The following RNF180 variants were observed in gnomAD, a reference collection of about 807,000 sequenced individuals.
RNF180 encodes E3 ubiquitin-protein ligase RNF180.
In RNF180, 38 loss-of-function variants were observed where a neutral mutation model predicts 59.2. That is an observed-to-expected ratio of 0.64 (90% CI 0.50 to 0.84). The LOEUF (loss-of-function observed/expected upper bound fraction) is 0.84, where lower values mean the gene tolerates loss of function less well. RNF180 is among the 40% of genes least tolerant of loss of function. The pLI is 0.00. For synonymous variants in RNF180, 262 were observed against 240.3 expected (o/e 1.09, Z -0.84); for missense variants, 705 against 700.9 (o/e 1.01, Z -0.07).
intron 7 of RNF180, among the ~76,000 whole-genome samples, chr5:64,350,051 A>G (rs1342858162): frequency 3.9e-5 from 6 of 152,102 alleles, no homozygotes; most frequent in African/African-American, 7.2e-5. Flanking sequence ...AAGTGTTCCT[A>G]TTTCTCCACA....
chr5:64,276,574 G>A (rs1225562719), intron 5 of RNF180, among the ~76,000 whole-genome samples: 1 of 151,934 alleles, frequency 6.6e-6, no homozygotes, highest in African/African-American at 2.4e-5. Context: ...AACGATTGTT[G>A]CTGGGGAGGC....
chr5:64,324,252 G>T (rs912253618), intron 5 of RNF180, among the ~76,000 whole-genome samples: 20 of 152,104 alleles, frequency 1.3e-4, no homozygotes, highest in African/African-American at 4.8e-4. Context: ...GGCAGCTCAG[G>T]GTACAAGGCA....
intron 1 of RNF180, among the ~76,000 whole-genome samples, chr5:64,188,742 A>T (rs1437046999): frequency 6.6e-6 from 1 of 152,114 alleles, no homozygotes; most frequent in Non-Finnish European, 1.5e-5. Context: ...ACTTTATTCT[A>T]TGCAGGAAGT....
At chr5:64,266,815 CAAT>C (rs1042833835) in intron 5 of RNF180, among the ~76,000 whole-genome samples, 1 of 151,928 alleles carries the variant, frequency 6.6e-6, no homozygotes, top group African/African-American at 2.4e-5. Context: ...ATATATAAAA[CAAT>C]AAGACCTCAG....
At chr5:64,308,169 G>A (rs1181260397) in intron 5 of RNF180, among the ~76,000 whole-genome samples, 1 of 151,738 alleles carries the variant, frequency 6.6e-6, no homozygotes, top group Non-Finnish European at 1.5e-5. Context: ...TTTATGGAGA[G>A]CTTTGAATAA....
intron 2 of RNF180, 121 bp from the exon 3 acceptor site, chr5:64,211,944 C>T (rs915929769): frequency 3.7e-6 from 2 of 535,622 alleles, no homozygotes; most frequent in African/African-American, 3.8e-5. Flanking sequence ...GAAGGGAAGG[C>T]AGTGTATATT....
intron 1 of RNF180, among the ~76,000 whole-genome samples, chr5:64,197,060 C>T (rs1168766343): frequency 6.6e-6 from 1 of 152,086 alleles, no homozygotes; most frequent in Non-Finnish European, 1.5e-5. Context: ...ACTAGAGACC[C>T]ACGAATGTAG....
At chr5:64,280,415 G>A (rs1397638104) in intron 5 of RNF180, among the ~76,000 whole-genome samples, 1 of 152,076 alleles carries the variant, frequency 6.6e-6, no homozygotes, top group Admixed American at 6.6e-5. Flanking sequence ...TATTTCCTAA[G>A]TTTTCTTCTA....
chr5:64,348,793 C>A (rs1745661877), intron 7 of RNF180, among the ~76,000 whole-genome samples: 1 of 151,906 alleles, frequency 6.6e-6, no homozygotes, highest in Non-Finnish European at 1.5e-5. Context: ...TTTTTTAGTT[C>A]TCTAAATGAC....
rs761170713 is a variant in RNF180, at chr5:64,330,316, G to C, written c.1489G>C (p.Glu497Gln). 12 of 1,522,116 alleles carry C rather than the reference G, an allele frequency of 7.9e-6. No homozygotes were observed. The highest frequency in any genetic ancestry group is 1.1e-5 in the Non-Finnish European group (12 of 1,124,558). 94.3% of individuals were successfully genotyped at this position (1,522,116 alleles called of 1,614,324 possible). ...TGCCACAAAAACTTTCTTTACTAAAGAATATTTGAAAATAAAACAAAGCTT... is the reference window on the plus strand; with the variant it reads ...TGCCACAAAAACTTTCTTTACTAAACAATATTTGAAAATAAAACAAAGCTT... Reference protein sequence around the residue: ...NNATKTFFTKEYLKIKQSFQK... With the variant: ...NNATKTFFTKQYLKIKQSFQK... The change falls in exon 7 of 8, where the codon GAA (glutamate) becomes CAA (glutamine). Residue 497 changes from glutamate to glutamine, a missense_variant. Physicochemically the swap from Glu to Gln is conservative, Grantham distance 29. Transcript: ENST00000389100.
At chr5:64,223,113 G>A (rs1741454073) in intron 5 of RNF180, among the ~76,000 whole-genome samples, 1 of 152,158 alleles carries the variant, frequency 6.6e-6, no homozygotes, top group Admixed American at 6.5e-5. Context: ...TGTTGACAGG[G>A]TAGTATTTCT....
At chr5:64,192,082 G>C (rs1384418883) in intron 1 of RNF180, among the ~76,000 whole-genome samples, 1 of 151,952 alleles carries the variant, frequency 6.6e-6, no homozygotes, top group East Asian at 1.9e-4. Context: ...TGACACCCTT[G>C]TCAAAGATCA....
At chr5:64,305,233 G>A (rs1282337549) in intron 5 of RNF180, among the ~76,000 whole-genome samples, 2 of 151,340 alleles carry the variant, frequency 1.3e-5, no homozygotes, top group African/African-American at 4.8e-5. Flanking sequence ...CAAGGTGTAG[G>A]TATACTAGAT....
intron 2 of RNF180, among the ~76,000 whole-genome samples, chr5:64,201,506 A>G (rs1375215949): frequency 2.0e-5 from 3 of 152,226 alleles, no homozygotes; most frequent in African/African-American, 7.2e-5. Context: ...GGCATGAACT[A>G]GAAAGTAATT....
chr5:64,187,272 A>G (rs1750916962), intron 1 of RNF180, among the ~76,000 whole-genome samples: 1 of 152,214 alleles, frequency 6.6e-6, no homozygotes, highest in Admixed American at 6.5e-5. Flanking sequence ...GGTAGCAAGT[A>G]CAATGACAAA....
intron 5 of RNF180, among the ~76,000 whole-genome samples, chr5:64,324,018 C>T (rs1458635907): frequency 6.6e-6 from 1 of 152,174 alleles, no homozygotes; most frequent in Admixed American, 6.5e-5. Context: ...TTGCACCAAT[C>T]TACTATCAGT....
intron 5 of RNF180, among the ~76,000 whole-genome samples, chr5:64,271,452 C>T (rs1741391067): frequency 6.6e-6 from 1 of 151,968 alleles, no homozygotes; most frequent in South Asian, 2.1e-4. Flanking sequence ...ATAAAATAGT[C>T]ATCCCATAAG....
intron 1 of RNF180, among the ~76,000 whole-genome samples, chr5:64,177,491 T>A (rs1293798548): frequency 1.3e-5 from 2 of 149,232 alleles, no homozygotes; most frequent in Non-Finnish European, 3.0e-5. Context: ...GAACTTGTTC[T>A]CTATCTAGAT....
At chr5:64,258,472 C>G (rs1424849462) in intron 5 of RNF180, among the ~76,000 whole-genome samples, 1 of 152,136 alleles carries the variant, frequency 6.6e-6, no homozygotes, top group East Asian at 1.9e-4. Context: ...GAGACTGAGT[C>G]CCAGCAGAAT....
Sources: gnomAD v4.1 joint callset for allele counts (sites outside exome capture counted in the v4.1 genomes callset) on GRCh38, gnomAD v4.1.1 for gene constraint, MANE v1.5 for transcripts, NCBI Gene and HGNC (gene_info 2026-07-23, HGNC 2026-07-21) for gene names.